BABAM2: variants seen among roughly 807,000 people sequenced by gnomAD.
BABAM2 encodes BRISC and BRCA1-A complex member 2.
BABAM2 carries 31 observed loss-of-function variants against 54.7 expected under a neutral mutation model. The observed-to-expected ratio is 0.57, with a 90% confidence interval of 0.43 to 0.77. BABAM2 has a LOEUF of 0.77. Ranked by LOEUF, BABAM2 falls within the 30% of genes least tolerant of loss-of-function variation. The pLI is 0.00. For synonymous variants in BABAM2, 167 were observed against 162.9 expected, an observed-to-expected ratio of 1.03 and a Z score of -0.19; for missense variants, 364 against 455.8, an observed-to-expected ratio of 0.80 and a Z score of 1.83.
chr2:28,207,252 C>G (rs1267384268), intron 7 of BABAM2, among the ~76,000 whole-genome samples: 1 of 151,960 alleles, frequency 6.6e-6, no homozygotes, highest in Non-Finnish European at 1.5e-5. Flanking sequence ...ACCTGTAATC[C>G]CAGCACTTTG....
intron 3 of BABAM2, among the ~76,000 whole-genome samples, chr2:27,941,537 C>T (rs913711898): frequency 3.4e-5 from 5 of 149,242 alleles, no homozygotes; most frequent in African/African-American, 9.9e-5. Flanking sequence ...GCCTGGGTGA[C>T]AGTGCAAGAC....
At chr2:28,143,908 C>T (rs1214770710) in intron 7 of BABAM2, among the ~76,000 whole-genome samples, 1 of 152,190 alleles carries the variant, frequency 6.6e-6, no homozygotes. Context: ...TTCATCTCTA[C>T]CCTCAACAGC....
chr2:28,223,203 A>G (rs984492582), intron 7 of BABAM2, among the ~76,000 whole-genome samples: 1 of 152,216 alleles, frequency 6.6e-6, no homozygotes, highest in African/African-American at 2.4e-5. Flanking sequence ...TACTGAATAT[A>G]TCTTATTTTT....
At chr2:28,104,008 C>T (rs551527575) in intron 6 of BABAM2, among the ~76,000 whole-genome samples, 3 of 152,238 alleles carry the variant, frequency 2.0e-5, no homozygotes, top group African/African-American at 7.2e-5. Flanking sequence ...TATTCTGAGG[C>T]ACATTTGTAA....
At chr2:27,924,488 G>T (rs1017887107) in intron 2 of BABAM2, among the ~76,000 whole-genome samples, 7 of 151,972 alleles carry the variant, frequency 4.6e-5, no homozygotes, top group Admixed American at 4.6e-4. Context: ...GGGCTCAAGC[G>T]ATTCTCCTTC....
chr2:28,213,946 T>TA (rs374210606), intron 7 of BABAM2, among the ~76,000 whole-genome samples: 99,237 of 146,590 alleles, frequency 0.68, 34,047 homozygotes, highest in East Asian at 0.97. Flanking sequence ...TAACTTGCTT[T>TA]AAAAAAAAAA....
At chr2:28,125,806 A>G (rs1558361346) in intron 6 of BABAM2, among the ~76,000 whole-genome samples, 1 of 152,196 alleles carries the variant, frequency 6.6e-6, no homozygotes. Flanking sequence ...AAGAATTGTG[A>G]ACAACCTGAA....
intron 7 of BABAM2, among the ~76,000 whole-genome samples, chr2:28,151,864 C>T (rs1380620348): frequency 6.6e-6 from 1 of 152,168 alleles, no homozygotes; most frequent in African/African-American, 2.4e-5. Flanking sequence ...CTTGAGATAT[C>T]CAACCCCTTT....
chr2:27,981,105 G>A (rs1671963178), intron 3 of BABAM2, among the ~76,000 whole-genome samples: 2 of 151,962 alleles, frequency 1.3e-5, no homozygotes, highest in African/African-American at 4.8e-5. Context: ...GACACATTTT[G>A]TAAAGTTCCT....
chr2:27,919,370 C>T (rs1484195061), intron 2 of BABAM2, among the ~76,000 whole-genome samples: 1 of 152,156 alleles, frequency 6.6e-6, no homozygotes, highest in African/African-American at 2.4e-5. Flanking sequence ...CTGGCTAAGA[C>T]CTCCAGTACA....
intron 10 of BABAM2, among the ~76,000 whole-genome samples, chr2:28,293,874 T>G (rs1193217417): frequency 6.6e-6 from 1 of 151,540 alleles, no homozygotes; most frequent in Non-Finnish European, 1.5e-5. Flanking sequence ...AATTAAAAAT[T>G]TAAAAAAAGA....
At chr2:28,014,156 G>T (rs1674623817) in intron 4 of BABAM2, among the ~76,000 whole-genome samples, 1 of 152,010 alleles carries the variant, frequency 6.6e-6, no homozygotes, top group South Asian at 2.1e-4. Context: ...TGAGATGAGG[G>T]TCACATACAG....
intron 7 of BABAM2, among the ~76,000 whole-genome samples, chr2:28,168,292 G>A (rs970738403): frequency 7.2e-5 from 11 of 152,162 alleles, no homozygotes; most frequent in Admixed American, 2.6e-4. Flanking sequence ...AGTTATAGCC[G>A]TTGTCCAAAT....
chr2:27,918,990 T>A (rs1305077782), intron 2 of BABAM2, among the ~76,000 whole-genome samples: 1 of 152,198 alleles, frequency 6.6e-6, no homozygotes, highest in Non-Finnish European at 1.5e-5. Flanking sequence ...GTGCCCGGCC[T>A]CATTATGAGT....
rs140562688 is a variant in BABAM2, at chr2:28,312,981, C to T, written c.1088+14490C>T. ...GTCCAAAGCCCAGCCCAAGCCACCTCTGACCTCCTACGTTTCCCCTCTTTC... is the reference window on the plus strand; with the variant it reads ...GTCCAAAGCCCAGCCCAAGCCACCTTTGACCTCCTACGTTTCCCCTCTTTC... On this transcript the variant is annotated intron_variant, in intron 11 of 11. Transcript: ENST00000379624. Among the ~76,000 whole-genome samples, 5 of 152,286 alleles carry T rather than the reference C, an allele frequency of 3.3e-5. No homozygotes were observed. In the East Asian group the frequency reaches 9.7e-4, roughly 29 times the overall value.
chr2:27,966,256 T>C (rs1306259472), intron 3 of BABAM2, among the ~76,000 whole-genome samples: 1 of 152,238 alleles, frequency 6.6e-6, no homozygotes, highest in Non-Finnish European at 1.5e-5. Context: ...GTAAAGAGTT[T>C]TTCCTGATCA....
At chr2:27,951,516 G>A (rs914956867) in intron 3 of BABAM2, among the ~76,000 whole-genome samples, 2 of 152,168 alleles carry the variant, frequency 1.3e-5, no homozygotes, top group East Asian at 3.9e-4. Flanking sequence ...AATGTATTGA[G>A]ATTTGTTTTA....
At chr2:28,319,475 G>A (rs1348859262) in intron 11 of BABAM2, among the ~76,000 whole-genome samples, 2 of 152,214 alleles carry the variant, frequency 1.3e-5, no homozygotes, top group South Asian at 2.1e-4. Flanking sequence ...AGCTCCCTGC[G>A]CCTCTTGTAC....
intron 5 of BABAM2, among the ~76,000 whole-genome samples, chr2:28,039,068 T>G (rs79633897): frequency 0.014 from 2,116 of 152,320 alleles, 50 homozygotes; most frequent in African/African-American, 0.048. Context: ...TTGATTGATA[T>G]CTGACTCACC....
Sources: gnomAD v4.1 joint callset for allele counts (sites outside exome capture counted in the v4.1 genomes callset) on GRCh38, gnomAD v4.1.1 for gene constraint, MANE v1.5 for transcripts, NCBI Gene and HGNC (gene_info 2026-07-23, HGNC 2026-07-21) for gene names.